The following SEMA5A variants were observed in gnomAD, a reference collection of about 807,000 sequenced individuals.
SEMA5A encodes semaphorin-5A.
SEMA5A carries 55 observed loss-of-function variants against 135.5 expected under a neutral mutation model. The observed-to-expected ratio is 0.41, with a 90% confidence interval of 0.33 to 0.51. SEMA5A has a LOEUF of 0.51. SEMA5A is among the 20% of genes least tolerant of loss of function. The probability of loss-of-function intolerance (pLI) is 0.37; values close to 1 mark genes in which losing one functional copy is unlikely to be tolerated. For missense variants in SEMA5A, 1,290 were observed against 1,419.9 expected, an observed-to-expected ratio of 0.91 and a Z score of 1.47; for synonymous variants, 580 against 546.5, an observed-to-expected ratio of 1.06 and a Z score of -0.85.
intron 15 of SEMA5A, among the ~76,000 whole-genome samples, chr5:9,113,671 C>A (rs1006142604): frequency 2.0e-5 from 3 of 152,086 alleles, no homozygotes; most frequent in Admixed American, 2.0e-4. Flanking sequence ...AAATAAGATA[C>A]ACTAATGTCC....
chr5:9,498,789 C>T (rs555706910), intron 1 of SEMA5A: 7 of 151,604 alleles, frequency 4.6e-5, no homozygotes, highest in African/African-American at 1.4e-4. Context: ...AGACTGCATA[C>T]CTGGAATCAA....
chr5:9,523,564 A>C (rs1736955251), intron 1 of SEMA5A, among the ~76,000 whole-genome samples: 1 of 152,202 alleles, frequency 6.6e-6, no homozygotes, highest in Admixed American at 6.5e-5. Context: ...GGACAAAGGG[A>C]AGGTGACATG....
At chr5:9,499,085 G>A (rs1561300490) in intron 1 of SEMA5A, among the ~76,000 whole-genome samples, 1 of 152,202 alleles carries the variant, frequency 6.6e-6, no homozygotes, top group African/African-American at 2.4e-5. Context: ...TACCTTCCAT[G>A]AGAAGGAGGC....
chr5:9,178,331 C>CTTTTTTTTT (rs5865809), intron 11 of SEMA5A, among the ~76,000 whole-genome samples: 8 of 123,602 alleles, frequency 6.5e-5, no homozygotes, highest in African/African-American at 1.5e-4. Flanking sequence ...TTTTTCTCTC[C>CTTTTTTTTT]TTTTTTTTTT....
chr5:9,495,351 C>A lies in SEMA5A; in HGVS notation c.-175+50233G>T, dbSNP rs545357346. Among the ~76,000 whole-genome samples, 9 of 152,262 alleles carry A rather than the reference C, an allele frequency of 5.9e-5. No homozygotes were observed. In the South Asian group the frequency reaches 8.3e-4, roughly 14 times the overall value. ...TGAAGCCCACTCAAGGGAAAGCAAG[C>A]AAGTAAATGAGTTGAAACTGGAGGG... is the stretch of plus-strand genomic sequence containing the variant. On this transcript the variant is annotated intron_variant, in intron 1 of 22. Transcript: ENST00000382496.
intron 6 of SEMA5A, among the ~76,000 whole-genome samples, chr5:9,234,878 G>C (rs1488617572): frequency 6.6e-6 from 1 of 152,104 alleles, no homozygotes; most frequent in Non-Finnish European, 1.5e-5. Context: ...AGTAACGATT[G>C]GTCTCCTCCG....
At chr5:9,393,888 C>A (rs1756273964) in intron 2 of SEMA5A, among the ~76,000 whole-genome samples, 1 of 151,990 alleles carries the variant, frequency 6.6e-6, no homozygotes, top group Non-Finnish European at 1.5e-5. Flanking sequence ...ATACAGGTGT[C>A]CATTGAGAGA....
At chr5:9,495,455 A>C (rs1482828676) in intron 1 of SEMA5A, among the ~76,000 whole-genome samples, 2 of 152,216 alleles carry the variant, frequency 1.3e-5, no homozygotes, top group African/African-American at 4.8e-5. Flanking sequence ...CTCTGTTTGC[A>C]CAAGGACCAT....
intron 5 of SEMA5A, 103 bp from the exon 6 acceptor site, chr5:9,237,993 C>G (rs1309559355): frequency 9.3e-6 from 9 of 967,738 alleles, no homozygotes; most frequent in African/African-American, 1.6e-5. Context: ...GGAAATATGG[C>G]TGCATCCTGG....
chr5:9,194,658 A>G (rs1745293836), intron 10 of SEMA5A, among the ~76,000 whole-genome samples: 1 of 152,228 alleles, frequency 6.6e-6, no homozygotes, highest in East Asian at 1.9e-4. Flanking sequence ...GGAGTTATAC[A>G]AAGAATCACC....
chr5:9,392,253 C>T (rs2126532399), intron 2 of SEMA5A, among the ~76,000 whole-genome samples: 1 of 152,250 alleles, frequency 6.6e-6, no homozygotes, highest in South Asian at 2.1e-4. Context: ...CTTAAAATTG[C>T]TTGACTGATA....
chr5:9,295,624 G>A (rs1020871294), intron 5 of SEMA5A, among the ~76,000 whole-genome samples: 7 of 152,072 alleles, frequency 4.6e-5, no homozygotes, highest in Non-Finnish European at 5.9e-5. Context: ...GAGCCAGGTG[G>A]TCTGAGAGCT....
intron 1 of SEMA5A, among the ~76,000 whole-genome samples, chr5:9,523,880 C>G (rs993607501): frequency 6.6e-6 from 1 of 152,206 alleles, no homozygotes; most frequent in African/African-American, 2.4e-5. Flanking sequence ...TTCACGTCCA[C>G]TTAGAACCTC....
intron 1 of SEMA5A, among the ~76,000 whole-genome samples, chr5:9,440,290 G>A (rs2126677886): frequency 6.6e-6 from 1 of 152,322 alleles, no homozygotes; most frequent in South Asian, 2.1e-4. Context: ...TGAGAAGAAA[G>A]CTGAAAGGCA....
chr5:9,329,476 G>T (rs993404242), intron 4 of SEMA5A, among the ~76,000 whole-genome samples: 1 of 152,240 alleles, frequency 6.6e-6, no homozygotes, highest in Non-Finnish European at 1.5e-5. Flanking sequence ...ATCAGGTAGA[G>T]AAGATGCTTC....
intron 1 of SEMA5A, among the ~76,000 whole-genome samples, chr5:9,515,628 C>G (rs1736468563): frequency 6.6e-6 from 1 of 152,094 alleles, no homozygotes; most frequent in Non-Finnish European, 1.5e-5. Context: ...TCTGTCACAC[C>G]CCGGCCAGTC....
intron 5 of SEMA5A, among the ~76,000 whole-genome samples, chr5:9,269,046 G>GGTT (rs1749832105): frequency 6.6e-6 from 1 of 152,118 alleles, no homozygotes; most frequent in Non-Finnish European, 1.5e-5. Flanking sequence ...AAGATCTATA[G>GGTT]GCTGATAGAA....
chr5:9,160,153 A>G (rs1472907646), intron 11 of SEMA5A, among the ~76,000 whole-genome samples: 1 of 152,178 alleles, frequency 6.6e-6, no homozygotes, highest in Admixed American at 6.5e-5. Context: ...CACATTCTGC[A>G]TATGTATCCT....
intron 1 of SEMA5A, among the ~76,000 whole-genome samples, chr5:9,487,209 C>T (rs1734779216): frequency 1.3e-5 from 2 of 152,130 alleles, no homozygotes; most frequent in South Asian, 4.1e-4. Flanking sequence ...GGAACTAAAA[C>T]CCCTGGAAAA....
Sources: gnomAD v4.1 joint callset for allele counts (sites outside exome capture counted in the v4.1 genomes callset) on GRCh38, gnomAD v4.1.1 for gene constraint, MANE v1.5 for transcripts, NCBI Gene and HGNC (gene_info 2026-07-23, HGNC 2026-07-21) for gene names.